GPATCH2: variants seen among roughly 807,000 people sequenced by gnomAD.
The protein encoded by GPATCH2 is G-patch domain containing 2.
Under a neutral mutation model 58.0 loss-of-function variants are expected in GPATCH2, and 51 were observed. The ratio of observed to expected loss-of-function variants is 0.88; its 90% CI spans 0.70 to 1.11. The LOEUF (loss-of-function observed/expected upper bound fraction) is 1.11, where lower values mean the gene tolerates loss of function less well. Ranked by LOEUF, GPATCH2 falls within the 50% of genes most tolerant of loss-of-function variation. The pLI, the probability that GPATCH2 is intolerant of heterozygous loss-of-function variation, is 0.00. For synonymous variants in GPATCH2, 222 were observed against 218.5 expected (o/e 1.02, Z -0.14); for missense variants, 625 against 652.2 (o/e 0.96, Z 0.45).
chr1:217,494,291 G>T (rs972214763), intron 7 of GPATCH2, among the ~76,000 whole-genome samples: 15 of 152,130 alleles, frequency 9.9e-5, no homozygotes, highest in Non-Finnish European at 1.6e-4. Context: ...TTATACATCT[G>T]GGGATACCAC....
chr1:217,535,661 A>G (rs973225754), intron 5 of GPATCH2, among the ~76,000 whole-genome samples: 1 of 152,174 alleles, frequency 6.6e-6, no homozygotes, highest in African/African-American at 2.4e-5. Flanking sequence ...AAGTTAATGT[A>G]CAAGATTGTT....
At chr1:217,447,617 C>T (rs968747822) in intron 9 of GPATCH2, among the ~76,000 whole-genome samples, 8 of 152,158 alleles carry the variant, frequency 5.3e-5, no homozygotes, top group East Asian at 1.9e-4. Context: ...CAAATACAAA[C>T]GCACTCTACA....
chr1:217,509,820 G>C (rs2102570556), intron 6 of GPATCH2, among the ~76,000 whole-genome samples: 1 of 151,882 alleles, frequency 6.6e-6, no homozygotes, highest in South Asian at 2.1e-4. Context: ...TCCATTAATG[G>C]GAATAAAACA....
At chr1:217,434,019 T>G (rs3790726) in intron 9 of GPATCH2, among the ~76,000 whole-genome samples, 3 of 151,994 alleles carry the variant, frequency 2.0e-5, no homozygotes, top group Non-Finnish European at 2.9e-5. Context: ...AGAAGAAGAC[T>G]ACATCATTGC....
At chr1:217,510,938 TA>T (rs1194832468) in intron 6 of GPATCH2, among the ~76,000 whole-genome samples, 3 of 151,268 alleles carry the variant, frequency 2.0e-5, no homozygotes, top group Non-Finnish European at 4.4e-5. Context: ...ACTAAAAAAA[TA>T]CAAAAAAAAT....
At chr1:217,439,656 G>C (rs532975228) in intron 9 of GPATCH2, among the ~76,000 whole-genome samples, 56 of 152,078 alleles carry the variant, frequency 3.7e-4, no homozygotes, top group African/African-American at 1.3e-3. Flanking sequence ...GAATCAAATA[G>C]ACACAATAAA....
chr1:217,580,141 A>G (rs1339293361), intron 5 of GPATCH2, among the ~76,000 whole-genome samples: 1 of 152,196 alleles, frequency 6.6e-6, no homozygotes, highest in Non-Finnish European at 1.5e-5. Flanking sequence ...TTCAACAGAC[A>G]AGCACAAGAA....
At position 217,631,054 on chromosome 1, in the gene GPATCH2, C is replaced by G; in HGVS notation, c.-83G>C. The G allele has an allele frequency of 7.5e-7, 1 of 1,338,368 alleles. No individual in the cohort carries two copies. The allele number at this position is 1,338,368 out of a possible 1,614,324, so 82.9% of individuals were successfully genotyped here. ...AACAGCACCGGCGACTTCCAAAGAGCAGTTCAGCATTTTGAGATGAGCTTC... is the reference window on the plus strand; with the variant it reads ...AACAGCACCGGCGACTTCCAAAGAGGAGTTCAGCATTTTGAGATGAGCTTC... On this transcript the variant is annotated 5_prime_UTR_variant, in exon 1 of 10. Coordinates refer to ENST00000366935, the MANE Select transcript of GPATCH2 (RefSeq NM_018040.5).
At chr1:217,538,149 A>G (rs1223459001) in intron 5 of GPATCH2, among the ~76,000 whole-genome samples, 1 of 152,220 alleles carries the variant, frequency 6.6e-6, no homozygotes, top group Non-Finnish European at 1.5e-5. Context: ...GAAATTTTAC[A>G]AGAGAAATAT....
intron 5 of GPATCH2, among the ~76,000 whole-genome samples, chr1:217,557,283 T>C (rs1665685400): frequency 6.6e-6 from 1 of 151,952 alleles, no homozygotes. Flanking sequence ...GGCGGGTGCC[T>C]GCAATCCCAG....
chr1:217,448,100 G>GAAAAAAA (rs796368256), intron 9 of GPATCH2, among the ~76,000 whole-genome samples: 1 of 115,656 alleles, frequency 8.6e-6, no homozygotes. Flanking sequence ...CTCTGTCTCA[G>GAAAAAAA]AAAAAAAAAA....
At chr1:217,467,875 T>G (rs1660534946) in intron 8 of GPATCH2, among the ~76,000 whole-genome samples, 5 of 152,060 alleles carry the variant, frequency 3.3e-5, no homozygotes, top group Admixed American at 3.3e-4. Flanking sequence ...CTAGAAAATG[T>G]AAACATATCA....
Position 217,430,850 on chromosome 1 carries a change from G to A in GPATCH2, c.*295C>T, listed in dbSNP as rs934184192. The A allele has an allele frequency of 2.7e-5, 11 of 408,436 alleles. No homozygotes were observed. The Middle Eastern group carries it at 2.1e-3, about 79-fold the overall frequency. The allele number at this position is 408,436 out of a possible 1,614,324, so 25.3% of individuals were successfully genotyped here. A position where few individuals can be genotyped will look rare whatever the true frequency, so the allele number is the denominator to read the frequency against. On this transcript the variant is annotated 3_prime_UTR_variant, in exon 10 of 10. Transcript: ENST00000366935. Reference sequence around the variant, plus strand: ...ACATACATGAATTAAGCAAAGCATCGGAAAGTATTGACACATGAGACTAAA... The same window carrying A: ...ACATACATGAATTAAGCAAAGCATCAGAAAGTATTGACACATGAGACTAAA...
intron 9 of GPATCH2, among the ~76,000 whole-genome samples, chr1:217,439,114 A>G (rs1659002509): frequency 6.6e-6 from 1 of 152,172 alleles, no homozygotes; most frequent in Non-Finnish European, 1.5e-5. Context: ...TGACCACGTA[A>G]TTGGAAGTAC....
In GPATCH2 at chr1:217,445,144, C is replaced by T. The variant is rs188606868; in HGVS notation, c.1366+4105G>A. On this transcript the variant is annotated intron_variant, in intron 9 of 9. Transcript: ENST00000366935. ...ACAATATGCATATCAAGACATTAAA[C>T]TTCAAAAGGCATTTCACTTCTATAC... Among the ~76,000 whole-genome samples the T allele has an allele frequency of 1.7e-3, 258 of 152,130 alleles. 1 individual carries two copies. Among genetic ancestry groups the T allele is most frequent in the African/African-American group, 5.9e-3 (247 of 41,536 alleles).
intron 5 of GPATCH2, among the ~76,000 whole-genome samples, chr1:217,539,308 A>G (rs976772942): frequency 6.6e-6 from 1 of 152,228 alleles, no homozygotes; most frequent in Non-Finnish European, 1.5e-5. Context: ...ATTAATTTCA[A>G]ATCAAGGAAG....
At chr1:217,464,573 G>A (rs1398804297) in intron 8 of GPATCH2, among the ~76,000 whole-genome samples, 4 of 152,162 alleles carry the variant, frequency 2.6e-5, no homozygotes, top group Non-Finnish European at 2.9e-5. Flanking sequence ...AAAAATTAAA[G>A]TGATTTCCCA....
rs1663555248 is a variant in GPATCH2, at chr1:217,523,108, C to T, written c.1099-8219G>A. Among the ~76,000 whole-genome samples the T allele has an allele frequency of 2.6e-5, 4 of 151,682 alleles. 1 individual carries two copies. The South Asian group carries it at 8.3e-4, about 31-fold the overall frequency. Reference sequence around the variant, plus strand: ...TGAAATAGCAATTAAGAAGGCAAAACCTTGCTTGTATTAGGAAATGTCAAT... The same window carrying T: ...TGAAATAGCAATTAAGAAGGCAAAATCTTGCTTGTATTAGGAAATGTCAAT... On this transcript the variant is annotated intron_variant, in intron 5 of 9. Transcript: ENST00000366935.
chr1:217,457,266 A>C (rs1362553196), intron 8 of GPATCH2, among the ~76,000 whole-genome samples: 1 of 152,152 alleles, frequency 6.6e-6, no homozygotes, highest in African/African-American at 2.4e-5. Context: ...CTGCTTTCTC[A>C]CTAGAGCTTT....
Sources: gnomAD v4.1 joint callset for allele counts (sites outside exome capture counted in the v4.1 genomes callset) on GRCh38, gnomAD v4.1.1 for gene constraint, MANE v1.5 for transcripts, NCBI Gene and HGNC (gene_info 2026-07-23, HGNC 2026-07-21) for gene names.